TERT: variants seen among roughly 807,000 people sequenced by gnomAD.
The protein encoded by TERT is telomerase reverse transcriptase.
In TERT, 42 loss-of-function variants were observed where a neutral mutation model predicts 104.0. The ratio of observed to expected loss-of-function variants is 0.40; its 90% CI spans 0.32 to 0.52. The LOEUF (loss-of-function observed/expected upper bound fraction) is 0.52, where lower values mean the gene tolerates loss of function less well. Ranked by LOEUF, TERT falls within the 20% of genes least tolerant of loss-of-function variation. The pLI, the probability that TERT is intolerant of heterozygous loss-of-function variation, is 0.43. For synonymous variants in TERT, 781 were observed against 725.6 expected, an observed-to-expected ratio of 1.08 and a Z score of -1.23; for missense variants, 1,101 against 1,610.3, an observed-to-expected ratio of 0.68 and a Z score of 5.41.
In TERT at chr5:1,293,881, TGAG is replaced by T. The variant is rs1170942980; in HGVS notation, c.1002_1004del (p.Ser335del). 1.9e-6 allele frequency: 3 copies of T among 1,543,640 alleles called. No individual in the cohort carries two copies. The highest frequency in any genetic ancestry group is 8.7e-7 in the Non-Finnish European group (1 of 1,146,958). ...AGGGCCGCAGCTGCTCCTTGTCGCC[TGAG>T]GAGTAGAGGAAGTGCTTGGTCTCGG... On this transcript the variant is annotated inframe_deletion, in exon 2 of 16. Coordinates refer to ENST00000310581, the MANE Select transcript of TERT (RefSeq NM_198253.3).
intron 6 of TERT, among the ~76,000 whole-genome samples, chr5:1,275,670 T>C (rs1749510731): frequency 6.6e-6 from 1 of 152,080 alleles, no homozygotes; most frequent in African/African-American, 2.4e-5. Context: ...GCAGACCCAC[T>C]ACAGGAAGAA....
rs371500615 is a variant in TERT, at chr5:1,258,591, G to A, written c.3032+7C>T. 4.2e-5 allele frequency: 66 copies of A among 1,563,930 alleles called. No homozygotes were observed. Among genetic ancestry groups the A allele is most frequent in the Non-Finnish European group, 5.1e-5 (59 of 1,153,676 alleles). On this transcript the variant is annotated splice_region_variant and intron_variant, in intron 13 of 15. Coordinates refer to ENST00000310581, the MANE Select transcript of TERT (RefSeq NM_198253.3). ...GGCTGGGCCTGCACCCCTTGGTGGC[G>A]GCTCACCTGTACGCCTGCAGCAGGA... is the stretch of plus-strand genomic sequence containing the variant.
intron 7 of TERT, 27 bp downstream of exon 7, chr5:1,272,158 C>T (rs200578375): frequency 1.9e-6 from 3 of 1,576,612 alleles, no homozygotes; most frequent in Non-Finnish European, 2.6e-6. Context: ...GGAGTCCGTG[C>T]CCAACCCTGC....
At position 1,292,517 on chromosome 5, in the gene TERT, CT is replaced by C. The variant is rs570266982; in HGVS notation, c.1573+795del. 8.8e-5 allele frequency among the ~76,000 whole-genome samples: 10 copies of C among 113,374 alleles called. No individual in the cohort carries two copies. The highest frequency in any genetic ancestry group is 2.8e-4 in the East Asian group (1 of 3,608). 74.4% of individuals were successfully genotyped at this position (113,374 alleles called of 152,430 possible). On this transcript the variant is annotated intron_variant, in intron 2 of 15. Transcript: ENST00000310581. The surrounding 1 kb of genome is among the most constrained non-coding windows in gnomAD (Gnocchi z 5.5). ...CCTGTCCTGGCACAATCAACGAACA[CT>C]TTTTTTTTTTAAAGACAGAGTTTCA...
At chr5:1,279,553 A>G in intron 4 of TERT, 83 bp from the exon 5 acceptor site, 1 of 1,402,408 alleles carries the variant, frequency 7.1e-7, no homozygotes, top group Non-Finnish European at 9.9e-7. Flanking sequence ...GGGGAGAAGC[A>G]GCCCCTCCCC....
At position 1,294,556 on chromosome 5, in the gene TERT, GC is replaced by G. The variant is rs1554043093; in HGVS notation, c.329del (p.Gly110AlafsTer18). 1 of 1,579,018 alleles carries G rather than the reference GC, an allele frequency of 6.3e-7. No individual in the cohort carries two copies. Among genetic ancestry groups the G allele is most frequent in the Admixed American group, 1.7e-5 (1 of 57,712 alleles). Reference sequence around the variant, plus strand: ...CGCTGGTGGTGAAGGCCTCGGGGGGGCCCCCGCGGGCCCCGTCCAGCAGCGC... The same window carrying G: ...CGCTGGTGGTGAAGGCCTCGGGGGGGCCCCGCGGGCCCCGTCCAGCAGCGC... ...GFALLDGARG[G>X]PPEAFTTSVR... On this transcript the variant is annotated frameshift_variant, in exon 2 of 16. Coordinates refer to ENST00000310581, the MANE Select transcript of TERT (RefSeq NM_198253.3). LOFTEE classifies it high-confidence loss of function.
At chr5:1,271,733 C>T (rs572978375) in intron 7 of TERT, among the ~76,000 whole-genome samples, 80 of 152,324 alleles carry the variant, frequency 5.3e-4, no homozygotes, top group African/African-American at 1.7e-3. Context: ...CTGAGAGGCC[C>T]GCTCAGCGGG....
In TERT at chr5:1,280,218, C is replaced by A. The variant is rs1749926290; in HGVS notation, c.1890G>T (p.Leu630=). 6.2e-7 allele frequency: 1 copy of A among 1,613,902 alleles called. No individual in the cohort carries two copies. Among genetic ancestry groups the A allele is most frequent in the African/African-American group, 1.3e-5 (1 of 74,960 alleles). The change falls in exon 4 of 16, where the codon CTG becomes CTT. Residue 630 remains leucine, a synonymous_variant. Coordinates refer to ENST00000310581, the MANE Select transcript of TERT (RefSeq NM_198253.3). ...CGTAGTCCATGTTCACAATCGGCCG[C>A]AGCCCGTCAGGCTTGGGGATGAAGC... The part of the protein sequence containing the change: ...RLRFIPKPDG[L]RPIVNMDYVV...
intron 2 of TERT, among the ~76,000 whole-genome samples, chr5:1,290,997 G>T: frequency 7.5e-6 from 1 of 133,976 alleles, no homozygotes; most frequent in Non-Finnish European, 1.6e-5. Context: ...CCCTGCACGG[G>T]ACAGGGACAC....
chr5:1,276,242 G>T (rs1221151354), intron 6 of TERT, among the ~76,000 whole-genome samples: 1 of 110,736 alleles, frequency 9.0e-6, no homozygotes, highest in Non-Finnish European at 1.8e-5. Flanking sequence ...CCTACCCCAC[G>T]GATGAAAACC....
rs778825193 is a variant in TERT at position 1,274,311 on chromosome 5, C to T, written c.2287-2031G>A. 6.1e-4 allele frequency among the ~76,000 whole-genome samples: 93 copies of T among 152,328 alleles called. No individual in the cohort carries two copies. Among genetic ancestry groups the T allele is most frequent in the African/African-American group, 1.8e-3 (74 of 41,568 alleles). On this transcript the variant is annotated intron_variant, in intron 6 of 15. Coordinates refer to ENST00000310581, the MANE Select transcript of TERT (RefSeq NM_198253.3). The surrounding 1 kb of genome is among the most constrained non-coding windows in gnomAD (Gnocchi z 5.3). ...AGCAGGCAACACGCCCACAAATAGC[C>T]CATGGGTCTGAGGTCGGCGGAAAGC...
Position 1,262,429 on chromosome 5 carries a change from A to G in TERT, c.2844-1829T>C, listed in dbSNP as rs1431423857. On this transcript the variant is annotated intron_variant, in intron 11 of 15. Coordinates refer to ENST00000310581, the MANE Select transcript of TERT (RefSeq NM_198253.3). This position sits in a 1 kb window ranked among gnomAD's most constrained non-coding sequence, Gnocchi z 5.6. Reference sequence around the variant, plus strand: ...CTAAAATCTGGACAAGAAAATTCCCATCTTACCACTTTTCCTTTTTCACTT... The same window carrying G: ...CTAAAATCTGGACAAGAAAATTCCCGTCTTACCACTTTTCCTTTTTCACTT... 6.6e-6 allele frequency among the ~76,000 whole-genome samples: 1 copy of G among 152,198 alleles called. No homozygotes were observed.
In TERT at chr5:1,278,904, C is replaced by T; in HGVS notation, c.2131-108G>A. On this transcript the variant is annotated intron_variant, in intron 5 of 15. Coordinates refer to ENST00000310581, the MANE Select transcript of TERT (RefSeq NM_198253.3). ...GTGTCCCCCACTCTCTCTCTGACCC[C>T]CACCACTCCAGACCCCAAGGGCAGG... The T allele has an allele frequency of 4.1e-6, 6 of 1,467,960 alleles. No individual in the cohort carries two copies. In the South Asian group the frequency reaches 5.7e-5, roughly 14 times the overall value. 90.9% of individuals were successfully genotyped at this position (1,467,960 alleles called of 1,614,324 possible). A position where few individuals can be genotyped will look rare whatever the true frequency, so the allele number is the denominator to read the frequency against.
intron 2 of TERT, among the ~76,000 whole-genome samples, chr5:1,284,334 C>T (rs569811396): frequency 1.7e-5 from 2 of 120,354 alleles, no homozygotes; most frequent in South Asian, 3.4e-4. Flanking sequence ...GACCTCACCC[C>T]GGACCTGCAT....
Position 1,258,612 on chromosome 5 carries a change from C to G in TERT, c.3018G>C (p.Leu1006=), listed in dbSNP as rs941352340. Reference sequence around the variant, plus strand: ...TGGCGGCTCACCTGTACGCCTGCAGCAGGAGGATCTTGTAGATGTTGGTGC... The same window carrying G: ...TGGCGGCTCACCTGTACGCCTGCAGGAGGAGGATCTTGTAGATGTTGGTGC... ...TVCTNIYKIL[L]LQAYRFHACV... is the part of the protein sequence containing the mutation. The change falls in exon 13 of 16, where the codon CTG becomes CTC. Residue 1006 remains leucine (L), a synonymous_variant. Transcript: ENST00000310581. 5.1e-6 allele frequency: 8 copies of G among 1,570,826 alleles called. No individual in the cohort carries two copies. The highest frequency in any genetic ancestry group is 4.7e-5 in the South Asian group (4 of 85,422).
At chr5:1,280,435 C>T in intron 3 of TERT, 97 bp from the exon 4 acceptor site, 1 of 1,348,512 alleles carries the variant, frequency 7.4e-7, no homozygotes, top group South Asian at 1.2e-5. Context: ...TCAGTGAGGG[C>T]TCAGGGCACC....
rs1751051681 is a variant in TERT at position 1,292,426 on chromosome 5, C to A, written c.1573+887G>T. Among the ~76,000 whole-genome samples the A allele has an allele frequency of 6.6e-6, 1 of 152,182 alleles. No individual in the cohort carries two copies. On this transcript the variant is annotated intron_variant, in intron 2 of 15. Coordinates refer to ENST00000310581, the MANE Select transcript of TERT (RefSeq NM_198253.3). The surrounding 1 kb of genome is among the most constrained non-coding windows in gnomAD (Gnocchi z 5.5). The stretch of plus-strand genomic sequence containing the variant: ...CTGCTGTCCTCTGCTCCCATGTGGC[C>A]CTCTTCATACCTAAAGATGGGACCA...
At position 1,294,148 on chromosome 5, in the gene TERT, C is replaced by A. The variant is rs111527543; in HGVS notation, c.738G>T (p.Pro246=). The A allele has an allele frequency of 3.8e-6, 6 of 1,581,318 alleles. No individual in the cohort carries two copies. In the Admixed American group the frequency reaches 1.0e-4, roughly 28 times the overall value. The change falls in exon 2 of 16, where the codon CCG becomes CCT. Residue 246 remains proline (P), a synonymous_variant. Coordinates refer to ENST00000310581, the MANE Select transcript of TERT (RefSeq NM_198253.3). ...KRPRRGAAPE[P]ERTPVGQGSW... The stretch of plus-strand genomic sequence containing the variant: ...ACCCCTGCCCAACGGGCGTCCGCTC[C>A]GGCTCAGGGGCAGCGCCACGCCTGG...
At chr5:1,284,593 G>A (rs373176628) in intron 2 of TERT, among the ~76,000 whole-genome samples, 157 of 144,920 alleles carry the variant, frequency 1.1e-3, no homozygotes, top group African/African-American at 3.8e-3. Flanking sequence ...GCACCATCTG[G>A]ACACTGCACA....
Sources: allele counts gnomAD v4.1 joint callset (sites outside exome capture counted in the v4.1 genomes callset), GRCh38; gene constraint gnomAD v4.1.1; non-coding constraint Gnocchi (gnomAD v3.1); transcripts MANE v1.5; gene names NCBI Gene and HGNC (gene_info 2026-07-23, HGNC 2026-07-21).